The following MFAP3L variants were observed in gnomAD, a reference collection of about 807,000 sequenced individuals.
The protein encoded by MFAP3L is microfibril associated protein 3 like.
A neutral mutation model predicts 20.0 loss-of-function variants in MFAP3L; 5 were observed. The observed-to-expected ratio is 0.25, with a 90% CI of 0.13 to 0.53. The LOEUF (loss-of-function observed/expected upper bound fraction) is 0.53, where lower values mean the gene tolerates loss of function less well. Among genes scored for constraint, MFAP3L ranks in the 20% least tolerant of loss-of-function variants. MFAP3L has a pLI of 0.96. For missense variants in MFAP3L, 409 were observed against 527.5 expected (o/e 0.78, Z 2.20); for synonymous variants, 219 against 213.0 (o/e 1.03, Z -0.25).
chr4:170,021,365 A>C (rs1434333113), intron 1 of MFAP3L, among the ~76,000 whole-genome samples: 1 of 152,220 alleles, frequency 6.6e-6, no homozygotes, highest in Non-Finnish European at 1.5e-5. Context: ...TTAAGATTTA[A>C]GAGCGAGGGA....
chr4:169,993,422 A>G (rs1737887104), intron 2 of MFAP3L: 1 of 152,228 alleles, frequency 6.6e-6, no homozygotes, highest in Non-Finnish European at 1.5e-5. Context: ...ACGCAGTTTC[A>G]AGTATCTATT....
Position 170,021,405 on chromosome 4 carries a change from T to C in MFAP3L, c.-134+4829A>G, listed in dbSNP as rs114454160. Among the ~76,000 whole-genome samples, 1,064 of 152,314 alleles carry C rather than the reference T, an allele frequency of 7.0e-3. 14 individuals are homozygous for C. The highest frequency in any genetic ancestry group is 0.024 in the African/African-American group (1,000 of 41,570). Reference sequence around the variant, plus strand: ...TTTACACTGACCTAGTACTTTACAATAGAAAACAATTTTTTTTGCATCATT... The same window carrying C: ...TTTACACTGACCTAGTACTTTACAACAGAAAACAATTTTTTTTGCATCATT... On this transcript the variant is annotated intron_variant, in intron 1 of 2. Transcript: ENST00000361618.
intron 2 of MFAP3L, among the ~76,000 whole-genome samples, chr4:170,004,805 C>T (rs528994717): frequency 4.6e-5 from 7 of 152,144 alleles, no homozygotes; most frequent in Non-Finnish European, 8.8e-5. Context: ...TTCACTCCCC[C>T]ACCCCAACCC....
intron 2 of MFAP3L, among the ~76,000 whole-genome samples, chr4:170,004,622 C>T (rs983546579): frequency 1.3e-5 from 2 of 152,086 alleles, no homozygotes; most frequent in African/African-American, 4.8e-5. Context: ...CAGCATTAGC[C>T]TCTATTCTTT....
At chr4:170,008,261 A>AG (rs2094529032) in intron 1 of MFAP3L, among the ~76,000 whole-genome samples, 1 of 152,172 alleles carries the variant, frequency 6.6e-6, no homozygotes, top group Admixed American at 6.5e-5. Flanking sequence ...CCCATCTGGA[A>AG]AAGTCACTAA....
chr4:169,995,175 A>G (rs1474047825), intron 2 of MFAP3L: 1 of 152,228 alleles, frequency 6.6e-6, no homozygotes, highest in Non-Finnish European at 1.5e-5. Context: ...GTGAGATATG[A>G]TAAAATGAGT....
In MFAP3L at chr4:170,013,566, C is replaced by T. The variant is rs6855121; in HGVS notation, c.-133-7556G>A. Among the ~76,000 whole-genome samples the T allele has an allele frequency of 2.2e-3, 341 of 152,128 alleles. 1 individual carries two copies. Among genetic ancestry groups the T allele is most frequent in the African/African-American group, 7.9e-3 (328 of 41,502 alleles). ...CCTAGAGAAGGTATGGTATTGCATA[C>T]GGTCATGCAATTAATTTAGTGGCTT... On this transcript the variant is annotated intron_variant, in intron 1 of 2. Transcript: ENST00000361618.
Position 169,992,023 on chromosome 4 carries a change from T to C in MFAP3L, c.585A>G (p.Ala195=), listed in dbSNP as rs1432918139. Reference sequence around the variant, plus strand: ...TCTCAAATGCCTTCTGCAGCTTCTCTGCACCTTCGGTCCTAAAGAACTCAT... The same window carrying C: ...TCTCAAATGCCTTCTGCAGCTTCTCCGCACCTTCGGTCCTAAAGAACTCAT... The part of the protein sequence containing the change: ...AINEFFRTEG[A]EKLQKAFEIA... The change falls in exon 3 of 3, where the codon GCA becomes GCG. Residue 195 remains alanine (A), a synonymous_variant. Transcript: ENST00000361618. The surrounding 1 kb of genome is among the most constrained non-coding windows in gnomAD (Gnocchi z 4.3). 1.1e-5 allele frequency: 18 copies of C among 1,614,230 alleles called. No homozygotes were observed. Among genetic ancestry groups the C allele is most frequent in the East Asian group, 2.2e-5 (1 of 44,876 alleles).
rs530360680 is a variant in MFAP3L, at chr4:169,992,391, A to G, written c.299-82T>C. On this transcript the variant is annotated intron_variant, in intron 2 of 2. Transcript: ENST00000361618. This position sits in a 1 kb window ranked among gnomAD's most constrained non-coding sequence, Gnocchi z 4.3. ...AACTGATACGTTTCTAAGAACATCT[A>G]TGAACATCTATGAAGAACATCTATG... is the stretch of plus-strand genomic sequence containing the variant. The G allele has an allele frequency of 2.6e-5, 30 of 1,169,696 alleles. No individual in the cohort carries two copies. The highest frequency in any genetic ancestry group is 3.4e-5 in the Non-Finnish European group (28 of 821,092). 72.5% of individuals were successfully genotyped at this position (1,169,696 alleles called of 1,614,324 possible). A position where few individuals can be genotyped will look rare whatever the true frequency, so the allele number is the denominator to read the frequency against.
At chr4:170,000,084 G>C (rs964163516) in intron 2 of MFAP3L, among the ~76,000 whole-genome samples, 1 of 152,188 alleles carries the variant, frequency 6.6e-6, no homozygotes, top group African/African-American at 2.4e-5. Context: ...CACGGGGTTA[G>C]GCAAATGCAA....
intron 1 of MFAP3L, among the ~76,000 whole-genome samples, chr4:170,016,999 T>C (rs1436563517): frequency 6.6e-6 from 1 of 152,202 alleles, no homozygotes; most frequent in Admixed American, 6.5e-5. Flanking sequence ...CCTACTTAAT[T>C]TATATTTCAA....
chr4:169,988,637 C>T lies in MFAP3L; in HGVS notation c.*2741G>A, dbSNP rs1409334951. The stretch of plus-strand genomic sequence containing the variant: ...CAGCTGAAAGTCATGAGGTCTTCTG[C>T]ATTTCATATTCTAGCAGGAGGGCCT... On this transcript the variant is annotated 3_prime_UTR_variant, in exon 3 of 3. Coordinates refer to ENST00000361618, the MANE Select transcript of MFAP3L (RefSeq NM_021647.8). The T allele has an allele frequency of 6.6e-6, 1 of 152,168 alleles. No individual in the cohort carries two copies. Among genetic ancestry groups the T allele is most frequent in the African/African-American group, 2.4e-5 (1 of 41,444 alleles). The allele number at this position is 152,168 out of a possible 1,614,324, so 9.4% of individuals were successfully genotyped here. A position where few individuals can be genotyped will look rare whatever the true frequency, so the allele number is the denominator to read the frequency against.
chr4:169,997,648 G>A, intron 2 of MFAP3L: 4 of 914,068 alleles, frequency 4.4e-6, no homozygotes, highest in Middle Eastern at 5.7e-4. Context: ...ATAAAGGGGA[G>A]TCGCTAGTGA....
chr4:170,009,657 T>TA (rs1217121339), intron 1 of MFAP3L, among the ~76,000 whole-genome samples: 2 of 152,196 alleles, frequency 1.3e-5, no homozygotes, highest in African/African-American at 4.8e-5. Flanking sequence ...GACTACTTTA[T>TA]TTTCTATAAA....
chr4:170,027,053 T>C (rs1314619401), upstream of MFAP3L: 4 of 152,124 alleles, frequency 2.6e-5, no homozygotes, highest in Admixed American at 1.3e-4. Context: ...CAGGAATTTT[T>C]TTTTCATTTT....
intron 2 of MFAP3L, chr4:169,993,523 T>A (rs2110920804): frequency 1.3e-5 from 2 of 152,304 alleles, no homozygotes; most frequent in Non-Finnish European, 2.9e-5. Flanking sequence ...CAACTCTTTT[T>A]TGTTGTTTTT....
Position 170,005,689 on chromosome 4 carries a change from A to C in MFAP3L, c.189T>G (p.Ser63Arg). The change falls in exon 2 of 3, where the codon AGT (serine) becomes AGG (arginine). Residue 63 changes from serine to arginine, a missense_variant. Physicochemically the swap from Ser to Arg is moderately radical, Grantham distance 110. This residue lies in a region of MFAP3L where 113 missense variants were observed against 131.1 expected (regional missense o/e 0.86). Transcript: ENST00000361618. ...TDHIIVKEGN[S>R]ALINCSVYGI... The stretch of plus-strand genomic sequence containing the variant: ...CATAAACACTACAGTTAATCAAGGC[A>C]CTGTTCCCTTCCTTGACTATGATAT... The C allele has an allele frequency of 6.2e-7, 1 of 1,614,220 alleles. No homozygotes were observed. Among genetic ancestry groups the C allele is most frequent in the Non-Finnish European group, 8.5e-7 (1 of 1,180,032 alleles).
chr4:170,006,115 C>CTTT (rs11383582), intron 1 of MFAP3L, 105 bp from the exon 2 acceptor site: 46 of 605,814 alleles, frequency 7.6e-5, no homozygotes, highest in East Asian at 2.7e-4. Context: ...CATCAACATA[C>CTTT]TTTTTTTTTT....
upstream of MFAP3L, chr4:170,026,782 G>C (rs1267263744): frequency 6.6e-6 from 1 of 152,266 alleles, no homozygotes; most frequent in Admixed American, 6.5e-5. Flanking sequence ...GCGTGTTCAA[G>C]GACACCCAGG....
Sources: gnomAD v4.1 joint callset for allele counts (sites outside exome capture counted in the v4.1 genomes callset) on GRCh38, gnomAD v4.1.1 for gene constraint, gnomAD v4.1.1 regional missense constraint, Gnocchi (gnomAD v3.1) non-coding constraint, MANE v1.5 for transcripts, NCBI Gene and HGNC (gene_info 2026-07-23, HGNC 2026-07-21) for gene names.